Variants in AFF4 observed in about 807,000 individuals in gnomAD.
The protein encoded by AFF4 is AF4/FMR2 family member 4.
In AFF4, 13 loss-of-function variants were observed where a neutral mutation model predicts 124.8. The ratio of observed to expected loss-of-function variants is 0.10; its 90% CI spans 0.07 to 0.17. The LOEUF is 0.17. AFF4 is among the 10% of genes least tolerant of loss of function. The pLI is 1.00. For missense variants in AFF4, 1,092 were observed against 1,403.8 expected (o/e 0.78, Z 3.55); for synonymous variants, 477 against 496.1 (o/e 0.96, Z 0.51).
intron 5 of AFF4, among the ~76,000 whole-genome samples, chr5:132,912,040 T>C (rs2150082836): frequency 6.6e-6 from 1 of 151,644 alleles, no homozygotes; most frequent in Middle Eastern, 3.4e-3. Context: ...AAAGAAATAT[T>C]AAAGAAAGTC....
intron 4 of AFF4, among the ~76,000 whole-genome samples, chr5:132,928,868 G>C (rs147694636): frequency 2.6e-4 from 40 of 152,106 alleles, no homozygotes; most frequent in African/African-American, 8.9e-4. Context: ...GCACATAATT[G>C]CTCTTTATTC....
chr5:132,877,991 A>G lies in AFF4; in HGVS notation c.*3068T>C, dbSNP rs1347326629. Reference sequence around the variant, plus strand: ...CACTGCTCTCAATTGTTTTTACACTAGAGAATTAAATAAATGGTGGTCAAC... The same window carrying G: ...CACTGCTCTCAATTGTTTTTACACTGGAGAATTAAATAAATGGTGGTCAAC... On this transcript the variant is annotated 3_prime_UTR_variant, in exon 21 of 21. Coordinates refer to ENST00000265343, the MANE Select transcript of AFF4 (RefSeq NM_014423.4). 4.5e-6 allele frequency: 1 copy of G among 222,992 alleles called. No individual in the cohort carries two copies. Among genetic ancestry groups the G allele is most frequent in the African/African-American group, 2.2e-5 (1 of 44,734 alleles). 13.8% of individuals were successfully genotyped at this position (222,992 alleles called of 1,614,324 possible). A position where few individuals can be genotyped will look rare whatever the true frequency, so the allele number is the denominator to read the frequency against.
intron 5 of AFF4, among the ~76,000 whole-genome samples, chr5:132,912,116 G>A (rs149587995): frequency 0.014 from 2,161 of 150,862 alleles, 57 homozygotes; most frequent in African/African-American, 0.05. Context: ...ACTTTGGGAG[G>A]TGGAGGTTGG....
At position 132,881,071 on chromosome 5, in the gene AFF4, C is replaced by T. The variant is rs1308795990; in HGVS notation, c.3480G>A (p.Lys1160=). ...GAATGTGTTCAGTTCAAGATATCAA[C>T]TTGGCATCCTGGCGAAGCCAGTGCA... The part of the protein sequence containing the change: ...QGLHWLRQDA[K]LIS The change falls in exon 21 of 21, where the codon AAG becomes AAA. Residue 1160 remains lysine (K), a synonymous_variant. Coordinates refer to ENST00000265343, the MANE Select transcript of AFF4 (RefSeq NM_014423.4). 7.4e-6 allele frequency: 12 copies of T among 1,613,310 alleles called. No individual in the cohort carries two copies. The highest frequency in any genetic ancestry group is 1.0e-5 in the Non-Finnish European group (12 of 1,179,838).
At chr5:132,945,989 C>A (rs1045700482) in intron 1 of AFF4, among the ~76,000 whole-genome samples, 1 of 150,948 alleles carries the variant, frequency 6.6e-6, no homozygotes, top group East Asian at 2.0e-4. Flanking sequence ...GAACCCGGGA[C>A]GCGGAGGTTG....
In AFF4 at chr5:132,878,645, T is replaced by TA. The variant is rs1759897397; in HGVS notation, c.*2413_*2414insT. 4.4e-6 allele frequency: 1 copy of TA among 224,822 alleles called. No homozygotes were observed. The highest frequency in any genetic ancestry group is 8.7e-6 in the Non-Finnish European group (1 of 114,420). The allele number at this position is 224,822 out of a possible 1,614,324, so 13.9% of individuals were successfully genotyped here. ...TGATAGGATTTTGATCCATTGCCCA[T>TA]TACTACCTTGTGGGAAAAATCCTCC... On this transcript the variant is annotated 3_prime_UTR_variant, in exon 21 of 21. Transcript: ENST00000265343.
At chr5:132,956,002 G>C (rs11744315) in intron 1 of AFF4, among the ~76,000 whole-genome samples, 1 of 148,594 alleles carries the variant, frequency 6.7e-6, no homozygotes, top group Admixed American at 6.8e-5. Context: ...TATAATACAC[G>C]TAATACATGT....
rs1324252440 is a variant in AFF4 at position 132,963,254 on chromosome 5, C to A, written c.-5+5G>T. The A allele has an allele frequency of 1.5e-5, 6 of 393,218 alleles. No individual in the cohort carries two copies. Among genetic ancestry groups the A allele is most frequent in the Non-Finnish European group, 2.2e-5 (5 of 223,052 alleles). 24.4% of individuals were successfully genotyped at this position (393,218 alleles called of 1,614,324 possible). A position where few individuals can be genotyped will look rare whatever the true frequency, so the allele number is the denominator to read the frequency against. ...GCCCTGGGTCAGTCTGTCGGCCCTT[C>A]TTACCTCCAGTCCCGGCTCCGCTAG... On this transcript the variant is annotated splice_donor_5th_base_variant and intron_variant, in intron 1 of 20. Coordinates refer to ENST00000265343, the MANE Select transcript of AFF4 (RefSeq NM_014423.4).
Position 132,937,153 on chromosome 5 carries a change from C to T in AFF4, c.37G>A (p.Glu13Lys). The part of the protein sequence containing the change: ...REDRNVLRMK[E>K]RERRNQEIQQ... ...ATTTCCTGATTCCGCCTTTCCCGTTCTTTCATACGCAGCACATTCCGGTCT... is the reference window on the plus strand; with the variant it reads ...ATTTCCTGATTCCGCCTTTCCCGTTTTTTCATACGCAGCACATTCCGGTCT... Residue 13 changes from glutamate (E) to lysine (K), a missense_variant, in exon 2 of 21, where the codon GAA (glutamate) becomes AAA (lysine). Glu to Lys is a moderately conservative substitution (Grantham distance 56). This residue lies in a region of AFF4 where 46 missense variants were observed against 49.0 expected (regional missense o/e 0.94). Transcript: ENST00000265343. The T allele has an allele frequency of 6.2e-7, 1 of 1,613,982 alleles. No homozygotes were observed.
intron 1 of AFF4, among the ~76,000 whole-genome samples, chr5:132,963,038 G>C (rs995768920): frequency 2.0e-5 from 3 of 152,166 alleles, no homozygotes; most frequent in Admixed American, 6.6e-5. Flanking sequence ...GGGAATTTTT[G>C]TTAGGATTGG....
rs537484763 is a variant in AFF4 at position 132,948,193 on chromosome 5, G to A, written c.-4-11000C>T. Among the ~76,000 whole-genome samples the A allele has an allele frequency of 1.2e-4, 19 of 152,128 alleles. No individual in the cohort carries two copies. The East Asian group carries it at 3.3e-3, about 26-fold the overall frequency. On this transcript the variant is annotated intron_variant, in intron 1 of 20. Coordinates refer to ENST00000265343, the MANE Select transcript of AFF4 (RefSeq NM_014423.4). Reference sequence around the variant, plus strand: ...AGCCTCCCAAACAGCTGGGACTACAGGCACCCGCCAACATGTCTGGCTAAT... The same window carrying A: ...AGCCTCCCAAACAGCTGGGACTACAAGCACCCGCCAACATGTCTGGCTAAT...
intron 19 of AFF4, among the ~76,000 whole-genome samples, chr5:132,884,184 A>G (rs751474018): frequency 9.9e-5 from 15 of 152,216 alleles, no homozygotes; most frequent in Non-Finnish European, 1.9e-4. Context: ...GACTATGATC[A>G]CACACTAAAA....
At position 132,878,550 on chromosome 5, in the gene AFF4, TAAG is replaced by T; in HGVS notation, c.*2506_*2508del. ...CAGATGATGACAAAGACAGAACATCTAAGAAGATAGACATGGAGGAAAGGGAGT... is the reference window on the plus strand; with the variant it reads ...CAGATGATGACAAAGACAGAACATCTAAGATAGACATGGAGGAAAGGGAGT... On this transcript the variant is annotated 3_prime_UTR_variant, in exon 21 of 21. Transcript: ENST00000265343. 1 of 231,818 alleles carries T rather than the reference TAAG, an allele frequency of 4.3e-6. No homozygotes were observed. Among genetic ancestry groups the T allele is most frequent in the South Asian group, 1.8e-4 (1 of 5,510 alleles). The allele number at this position is 231,818 out of a possible 1,614,324, so 14.4% of individuals were successfully genotyped here.
intron 1 of AFF4, among the ~76,000 whole-genome samples, chr5:132,953,773 A>G (rs1761892852): frequency 6.6e-6 from 1 of 151,824 alleles, no homozygotes; most frequent in South Asian, 2.1e-4. Context: ...TTCTTTTTCC[A>G]CTGCCACCGT....
chr5:132,902,117 G>A (rs1401055978), intron 7 of AFF4, among the ~76,000 whole-genome samples: 3 of 152,040 alleles, frequency 2.0e-5, no homozygotes, highest in Non-Finnish European at 4.4e-5. Context: ...GCACGATCTC[G>A]GCTCCCTACA....
At chr5:132,949,694 A>ACG (rs1373448489) in intron 1 of AFF4, among the ~76,000 whole-genome samples, 1 of 145,010 alleles carries the variant, frequency 6.9e-6, no homozygotes, top group Admixed American at 6.8e-5. Context: ...CCACACACAC[A>ACG]CACACACGCG....
At chr5:132,894,241 T>TA in intron 11 of AFF4, among the ~76,000 whole-genome samples, 1 of 152,378 alleles carries the variant, frequency 6.6e-6, no homozygotes, top group East Asian at 1.9e-4. Flanking sequence ...ACTTTTTCAG[T>TA]AACTACCAAA....
rs192634524 is a variant in AFF4, at chr5:132,877,212, T to C, written c.*3847A>G. On this transcript the variant is annotated 3_prime_UTR_variant, in exon 21 of 21. Transcript: ENST00000265343. Reference sequence around the variant, plus strand: ...CCTGGGACCCAGACACAAACTCCTATAAATCAAAATATATAATGAGGCCAT... The same window carrying C: ...CCTGGGACCCAGACACAAACTCCTACAAATCAAAATATATAATGAGGCCAT... 33 of 205,872 alleles carry C rather than the reference T, an allele frequency of 1.6e-4. No individual in the cohort carries two copies. The highest frequency in any genetic ancestry group is 5.7e-4 in the South Asian group (3 of 5,232). 12.8% of individuals were successfully genotyped at this position (205,872 alleles called of 1,614,324 possible). A position where few individuals can be genotyped will look rare whatever the true frequency, so the allele number is the denominator to read the frequency against.
rs3815152 is a variant in AFF4, at chr5:132,893,291, G to A, written c.2308-173C>T. Among the ~76,000 whole-genome samples, 76,329 of 151,864 alleles carry A rather than the reference G, an allele frequency of 0.5. 19,407 individuals are homozygous for A. Among genetic ancestry groups the A allele is most frequent in the South Asian group, 0.59 (2,834 of 4,814 alleles). On this transcript the variant is annotated intron_variant, in intron 11 of 20. Coordinates refer to ENST00000265343, the MANE Select transcript of AFF4 (RefSeq NM_014423.4). ...AAGATGAGGTTTTAAGGCTGAGGTC[G>A]CCTATTTTAGATACACAAAACCCAG...
Sources: gnomAD v4.1 joint callset for allele counts (sites outside exome capture counted in the v4.1 genomes callset) on GRCh38, gnomAD v4.1.1 for gene constraint, gnomAD v4.1.1 regional missense constraint, MANE v1.5 for transcripts, NCBI Gene and HGNC (gene_info 2026-07-23, HGNC 2026-07-21) for gene names.